Variants in CSMD1 observed in about 807,000 individuals in gnomAD.
CSMD1 encodes the protein CUB and sushi domain-containing protein 1.
A neutral mutation model predicts 417.5 loss-of-function variants in CSMD1; 213 were observed. That is an observed-to-expected ratio of 0.51 (90% CI 0.46 to 0.57). The LOEUF (loss-of-function observed/expected upper bound fraction) is 0.57, where lower values mean the gene tolerates loss of function less well. Among genes scored for constraint, CSMD1 ranks in the 20% least tolerant of loss-of-function variants. CSMD1 has a pLI of 0.00. For missense variants in CSMD1, 6,923 were observed against 4,529.7 expected (o/e 1.53, Z -15.17); for synonymous variants, 2,862 against 1,736.8 (o/e 1.65, Z -16.11).
At chr8:4,309,514 G>A (rs6983926) in intron 3 of CSMD1, among the ~76,000 whole-genome samples, 25,800 of 151,890 alleles carry the variant, frequency 0.17, 4,286 homozygotes, top group African/African-American at 0.43. Context: ...AAACTAAAAG[G>A]TAAATCCTGT....
intron 3 of CSMD1, among the ~76,000 whole-genome samples, chr8:4,393,720 G>C (rs979718387): frequency 6.6e-6 from 1 of 152,172 alleles, no homozygotes; most frequent in Non-Finnish European, 1.5e-5. Context: ...AGCAGACCTT[G>C]AAAATCTCTG....
chr8:4,887,676 T>G (rs1298248899), intron 1 of CSMD1, among the ~76,000 whole-genome samples: 6 of 151,868 alleles, frequency 4.0e-5, no homozygotes, highest in Admixed American at 3.9e-4. Context: ...ATATTTGCTT[T>G]ATTTATTTAT....
chr8:3,541,479 T>C (rs1184655720), intron 10 of CSMD1, among the ~76,000 whole-genome samples: 1 of 151,858 alleles, frequency 6.6e-6, no homozygotes, highest in African/African-American at 2.4e-5. Context: ...ATGGTTCATG[T>C]TTACCGAAAT....
intron 7 of CSMD1, among the ~76,000 whole-genome samples, chr8:3,693,949 G>A (rs1411603082): frequency 1.3e-5 from 2 of 150,780 alleles, no homozygotes; most frequent in Non-Finnish European, 3.0e-5. Context: ...GTCGTGTGTT[G>A]GATATAGGGG....
At chr8:4,288,674 C>T (rs1489538012) in intron 3 of CSMD1, among the ~76,000 whole-genome samples, 1 of 152,170 alleles carries the variant, frequency 6.6e-6, no homozygotes. Context: ...TCCTTTTCAA[C>T]ATTTGTAACC....
chr8:4,202,078 G>C (rs1175326515), intron 3 of CSMD1, among the ~76,000 whole-genome samples: 1 of 135,442 alleles, frequency 7.4e-6, no homozygotes, highest in Non-Finnish European at 1.6e-5. Flanking sequence ...TTGCCTCTCA[G>C]TTTAAGAGTA....
chr8:4,475,183 A>G (rs892734186), intron 2 of CSMD1, among the ~76,000 whole-genome samples: 9 of 152,224 alleles, frequency 5.9e-5, no homozygotes, highest in African/African-American at 1.9e-4. Context: ...TGCCTATAAT[A>G]CAGGGCTGTG....
intron 7 of CSMD1, among the ~76,000 whole-genome samples, chr8:3,636,347 T>C (rs1797045960): frequency 6.6e-6 from 1 of 152,136 alleles, no homozygotes; most frequent in African/African-American, 2.4e-5. Context: ...CTGGCTAATT[T>C]TTGGATTTTT....
chr8:4,712,680 AATAG>A (rs1338611277), intron 1 of CSMD1, among the ~76,000 whole-genome samples: 3 of 152,198 alleles, frequency 2.0e-5, no homozygotes, highest in African/African-American at 7.2e-5. Flanking sequence ...ACATTTCACA[AATAG>A]ATAATAATAG....
chr8:4,096,895 G>A (rs146516237), intron 3 of CSMD1, among the ~76,000 whole-genome samples: 1 of 152,240 alleles, frequency 6.6e-6, no homozygotes, highest in Admixed American at 6.5e-5. Context: ...AAAGCTCTCA[G>A]TTGCCTCAGT....
intron 7 of CSMD1, among the ~76,000 whole-genome samples, chr8:3,685,295 C>T (rs753601007): frequency 4.6e-5 from 7 of 152,112 alleles, no homozygotes; most frequent in Middle Eastern, 3.2e-3. Context: ...TTTAATGACT[C>T]GGCAGTCTAG....
At chr8:3,727,541 G>A (rs142740792) in intron 6 of CSMD1, among the ~76,000 whole-genome samples, 1 of 152,116 alleles carries the variant, frequency 6.6e-6, no homozygotes, top group South Asian at 2.1e-4. Flanking sequence ...CAGCTGTCGT[G>A]AAAAAACAGT....
intron 6 of CSMD1, among the ~76,000 whole-genome samples, chr8:3,731,805 G>A (rs954424207): frequency 6.6e-6 from 1 of 152,110 alleles, no homozygotes; most frequent in Non-Finnish European, 1.5e-5. Flanking sequence ...TTGGACATGT[G>A]ATGTTTCATT....
intron 3 of CSMD1, among the ~76,000 whole-genome samples, chr8:4,083,045 T>C (rs1055165442): frequency 2.0e-5 from 3 of 152,198 alleles, no homozygotes; most frequent in Non-Finnish European, 4.4e-5. Context: ...TCCAAGTCTT[T>C]GCTATTGTGA....
At chr8:4,889,540 G>C (rs1585270370) in intron 1 of CSMD1, among the ~76,000 whole-genome samples, 1 of 151,936 alleles carries the variant, frequency 6.6e-6, no homozygotes, top group African/African-American at 2.4e-5. Flanking sequence ...ATGAAAGGTA[G>C]ACAACAATTC....
chr8:4,541,343 C>T (rs541178321), intron 2 of CSMD1, among the ~76,000 whole-genome samples: 1 of 152,256 alleles, frequency 6.6e-6, no homozygotes, highest in South Asian at 2.1e-4. Flanking sequence ...GTGGGTACTG[C>T]CTTTGAAGAT....
chr8:4,278,121 T>C lies in CSMD1; in HGVS notation c.415+141832A>G, dbSNP rs191297165. Among the ~76,000 whole-genome samples the C allele has an allele frequency of 3.9e-5, 6 of 152,336 alleles. No individual in the cohort carries two copies. The East Asian group carries it at 9.7e-4, about 25-fold the overall frequency. On this transcript the variant is annotated intron_variant, in intron 3 of 69. Transcript: ENST00000635120. ...TCCTTTATGGTTCTCTTTCTCCTTA[T>C]GCTCATATAACTTCCACCAAAGAGA...
intron 17 of CSMD1, among the ~76,000 whole-genome samples, chr8:3,392,928 C>A (rs1210976444): frequency 6.6e-6 from 1 of 152,116 alleles, no homozygotes; most frequent in Non-Finnish European, 1.5e-5. Context: ...CCGCAGGTAA[C>A]CCTTAGGTGC....
chr8:3,773,560 T>C (rs1798733962), intron 5 of CSMD1, among the ~76,000 whole-genome samples: 1 of 152,172 alleles, frequency 6.6e-6, no homozygotes. Context: ...CTGCTGAAAT[T>C]ACAGGCATGA....
Sources: allele counts gnomAD v4.1 joint callset (sites outside exome capture counted in the v4.1 genomes callset), GRCh38; gene constraint gnomAD v4.1.1; transcripts MANE v1.5; gene names NCBI Gene and HGNC (gene_info 2026-07-23, HGNC 2026-07-21).